The following H2BC12 variants were observed in gnomAD, a reference collection of about 807,000 sequenced individuals.
H2BC12 encodes the protein H2B clustered histone 12.
In H2BC12, 6 loss-of-function variants were observed where a neutral mutation model predicts 6.3. The ratio of observed to expected loss-of-function variants is 0.95; its 90% CI spans 0.52 to 1.87. The LOEUF is 1.87. H2BC12 is among the 40% of genes most tolerant of loss of function. The pLI, the probability that H2BC12 is intolerant of heterozygous loss-of-function variation, is 0.01. For missense variants in H2BC12, 119 were observed against 178.4 expected (o/e 0.67, Z 1.90); for synonymous variants, 132 against 78.5 (o/e 1.68, Z -3.60).
chr6:27,143,795 G>A (rs1374624618), downstream of H2BC12, among the ~76,000 whole-genome samples: 1 of 146,874 alleles, frequency 6.8e-6, no homozygotes, highest in Non-Finnish European at 1.5e-5. Flanking sequence ...AGATTGAATT[G>A]CTGTGGTCCA....
In H2BC12 at chr6:27,146,720, C is replaced by A. The variant is rs766248126; in HGVS notation, c.79G>T (p.Gly27Cys). 1 of 1,614,226 alleles carries A rather than the reference C, an allele frequency of 6.2e-7. No homozygotes were observed. The highest frequency in any genetic ancestry group is 1.6e-4 in the Middle Eastern group (1 of 6,062). ...TTGCGGCTGCGCTTGCGCTTCTTGC[C>A]GTCCTTCTTCTGCGCCTTAGTCACG... ...KAVTKAQKKD[G>C]KKRKRSRKES... Residue 27 changes from glycine to cysteine, a missense_variant, in exon 1 of 1, where the codon GGC (glycine) becomes TGC (cysteine). Transcript: ENST00000356950.
downstream of H2BC12, among the ~76,000 whole-genome samples, chr6:27,142,332 G>A (rs1760015991): frequency 6.6e-6 from 1 of 152,078 alleles, no homozygotes. Context: ...GAGTACAATG[G>A]TGTGATCTCG....
At chr6:27,146,321 G>A (rs778483326), downstream of H2BC12, 4 of 1,570,806 alleles carry the variant, frequency 2.5e-6, no homozygotes, top group Non-Finnish European at 3.5e-6. Context: ...ATTTAAGCCT[G>A]GATTAGGAAC....
At chr6:27,144,200 A>C (rs1760040568), downstream of H2BC12, among the ~76,000 whole-genome samples, 1 of 152,052 alleles carries the variant, frequency 6.6e-6, no homozygotes, top group East Asian at 1.9e-4. Flanking sequence ...GGTGGCTCAC[A>C]CCTGTAATCC....
chr6:27,140,356 T>G, the H2BC12 span, among the ~76,000 whole-genome samples: 1 of 152,234 alleles, frequency 6.6e-6, no homozygotes, highest in African/African-American at 2.4e-5. Context: ...TTCCCACGCG[T>G]TTTAACTTTA....
At chr6:27,139,698 G>T in the H2BC12 span, 14 of 1,510,504 alleles carry the variant, frequency 9.3e-6, no homozygotes, top group Middle Eastern at 3.8e-4. Flanking sequence ...GAGTTGAAAT[G>T]ACTGCAAACT....
the H2BC12 span, chr6:27,139,180 G>C: frequency 1.0e-6 from 1 of 995,592 alleles, no homozygotes; most frequent in Non-Finnish European, 1.4e-6. Flanking sequence ...TCCCTTTTAG[G>C]TCCCCTCCCC....
rs373240509 is a variant in H2BC12, at chr6:27,146,777, C to G, written c.22G>C (p.Ala8Pro). 3 of 1,613,980 alleles carry G rather than the reference C, an allele frequency of 1.9e-6. No individual in the cohort carries two copies. The highest frequency in any genetic ancestry group is 1.3e-5 in the African/African-American group (1 of 74,920). Residue 8 changes from alanine to proline, a missense_variant, in exon 1 of 1, where the codon GCT (alanine) becomes CCT (proline). Ala to Pro is a conservative substitution (Grantham distance 27). Transcript: ENST00000356950. Reference sequence around the variant, plus strand: ...TTCGAGCCCTTCTTGGGCGCGGGAGCGGACTTCGCTGGTTCCGGCATGTTG... The same window carrying G: ...TTCGAGCCCTTCTTGGGCGCGGGAGGGGACTTCGCTGGTTCCGGCATGTTG... Reference protein sequence around the residue: MPEPAKSAPAPKKGSKKA... With the variant: MPEPAKSPPAPKKGSKKA...
At chr6:27,139,365 C>A in the H2BC12 span, 2 of 1,614,128 alleles carry the variant, frequency 1.2e-6, no homozygotes, top group Non-Finnish European at 1.7e-6. Flanking sequence ...CCAAGCGCCA[C>A]CGCAAGGTGC....
chr6:27,140,253 T>G, the H2BC12 span, among the ~76,000 whole-genome samples: 1 of 152,214 alleles, frequency 6.6e-6, no homozygotes, highest in Non-Finnish European at 1.5e-5. Flanking sequence ...CTAAAATCCT[T>G]ATGTCCCTTT....
At chr6:27,142,778 A>C (rs1014042972), downstream of H2BC12, among the ~76,000 whole-genome samples, 2 of 150,840 alleles carry the variant, frequency 1.3e-5, no homozygotes. Flanking sequence ...CTGGGACTAC[A>C]CTCATGTGAA....
chr6:27,141,493 C>T (rs1324960019), downstream of H2BC12, among the ~76,000 whole-genome samples: 1 of 152,098 alleles, frequency 6.6e-6, no homozygotes, highest in Non-Finnish European at 1.5e-5. Flanking sequence ...TTGCCCCGAA[C>T]ATACACTCAC....
At chr6:27,139,518 C>T in the H2BC12 span, 14 of 1,614,056 alleles carry the variant, frequency 8.7e-6, no homozygotes, top group South Asian at 1.3e-4. Flanking sequence ...TCCGGGACGC[C>T]GTGACCTACA....
the H2BC12 span, among the ~76,000 whole-genome samples, chr6:27,140,543 C>T: frequency 2.6e-5 from 4 of 152,128 alleles, no homozygotes; most frequent in South Asian, 8.3e-4. Flanking sequence ...TACAAAACAG[C>T]ACTGTATACA....
At chr6:27,139,557 C>T in the H2BC12 span, 8 of 1,614,092 alleles carry the variant, frequency 5.0e-6, no homozygotes, top group Non-Finnish European at 6.8e-6. Flanking sequence ...AGACGGTCAC[C>T]GCCATGGACG....
downstream of H2BC12, among the ~76,000 whole-genome samples, chr6:27,145,318 A>G (rs1760059353): frequency 6.6e-6 from 1 of 151,772 alleles, no homozygotes; most frequent in Admixed American, 6.6e-5. Flanking sequence ...ACACACACAC[A>G]CACACACACA....
At chr6:27,139,256 AAAAG>A in the H2BC12 span, 59 of 1,532,128 alleles carry the variant, frequency 3.9e-5, no homozygotes, top group Admixed American at 3.1e-4. Context: ...GGTTACCCAT[AAAAG>A]AAAGCTGCCA....
chr6:27,145,094 AAATAT>A (rs1175030134), downstream of H2BC12, among the ~76,000 whole-genome samples: 1 of 152,206 alleles, frequency 6.6e-6, no homozygotes, highest in Non-Finnish European at 1.5e-5. Context: ...GGTAAACAAT[AAATAT>A]AATTATTTGT....
downstream of H2BC12, among the ~76,000 whole-genome samples, chr6:27,145,761 G>C (rs12205921): frequency 6.6e-6 from 1 of 152,114 alleles, no homozygotes; most frequent in Non-Finnish European, 1.5e-5. Context: ...TCTCCGTGAT[G>C]ATTTCATGTT....
Sources: gnomAD v4.1 joint callset for allele counts (sites outside exome capture counted in the v4.1 genomes callset) on GRCh38, gnomAD v4.1.1 for gene constraint, MANE v1.5 for transcripts, NCBI Gene and HGNC (gene_info 2026-07-23, HGNC 2026-07-21) for gene names.